CCDC178: variants seen among roughly 807,000 people sequenced by gnomAD.
CCDC178 encodes the protein coiled-coil domain containing 178, also known as coiled-coil domain-containing protein 178.
CCDC178 carries 126 observed loss-of-function variants against 117.4 expected under a neutral mutation model. The observed-to-expected ratio is 1.07, with a 90% confidence interval of 0.93 to 1.24. CCDC178 has a LOEUF of 1.24. CCDC178 is among the 50% of genes most tolerant of loss of function. The pLI is 0.00. For synonymous variants in CCDC178, 283 were observed against 313.4 expected (o/e 0.90, Z 1.02); for missense variants, 1,030 against 986.9 (o/e 1.04, Z -0.59).
intron 16 of CCDC178, 49 bp downstream of exon 16, chr18:33,226,744 A>C: frequency 7.6e-7 from 1 of 1,314,308 alleles, no homozygotes; most frequent in Non-Finnish European, 1.1e-6. Flanking sequence ...ATGCTAAGTA[A>C]AATGCAAATT....
chr18:33,315,900 ATAG>A (rs1388295428), intron 11 of CCDC178, among the ~76,000 whole-genome samples: 3 of 152,248 alleles, frequency 2.0e-5, no homozygotes, highest in Admixed American at 6.5e-5. Context: ...CTTGCAAAAT[ATAG>A]TAATTAAGAA....
At chr18:32,950,499 G>A (rs1447916682) in intron 22 of CCDC178, among the ~76,000 whole-genome samples, 1 of 152,108 alleles carries the variant, frequency 6.6e-6, no homozygotes, top group Non-Finnish European at 1.5e-5. Flanking sequence ...TATGACTCTA[G>A]TTACTTCATT....
intron 21 of CCDC178, among the ~76,000 whole-genome samples, chr18:32,980,249 G>T (rs2144711630): frequency 6.6e-6 from 1 of 152,238 alleles, no homozygotes; most frequent in East Asian, 1.9e-4. Flanking sequence ...GTTTAGAGAA[G>T]ATTTTAATAA....
chr18:33,383,237 G>A (rs1192302408), intron 5 of CCDC178, among the ~76,000 whole-genome samples: 1 of 152,192 alleles, frequency 6.6e-6, no homozygotes, highest in African/African-American at 2.4e-5. Flanking sequence ...CCCTGGGAAA[G>A]AGCACCTTGG....
At chr18:33,410,202 C>G (rs1352524912) in intron 3 of CCDC178, among the ~76,000 whole-genome samples, 1 of 152,162 alleles carries the variant, frequency 6.6e-6, no homozygotes, top group African/African-American at 2.4e-5. Context: ...AGTCTTGGAA[C>G]AAACTATTAG....
chr18:32,965,707 C>T (rs1371592249), intron 22 of CCDC178, among the ~76,000 whole-genome samples: 1 of 151,596 alleles, frequency 6.6e-6, no homozygotes, highest in Non-Finnish European at 1.5e-5. Flanking sequence ...ACAACATAGT[C>T]CTCAACAGAA....
chr18:33,001,108 T>C (rs1015594340), intron 21 of CCDC178, among the ~76,000 whole-genome samples: 6 of 152,236 alleles, frequency 3.9e-5, no homozygotes, highest in African/African-American at 7.2e-5. Context: ...AGTTTTCTCT[T>C]TGCTTATTAG....
chr18:33,340,310 C>G (rs2144656459), intron 9 of CCDC178, among the ~76,000 whole-genome samples: 1 of 152,236 alleles, frequency 6.6e-6, no homozygotes, highest in African/African-American at 2.4e-5. Context: ...GCGAAGCACT[C>G]AAGAGGTGAC....
At chr18:33,212,093 AC>A (rs780860517) in intron 19 of CCDC178, 38 bp from the exon 20 acceptor site, 15 of 1,458,730 alleles carry the variant, frequency 1.0e-5, no homozygotes, top group Non-Finnish European at 9.2e-7. Context: ...TAATCAATTC[AC>A]ATTTTATTTT....
intron 20 of CCDC178, among the ~76,000 whole-genome samples, chr18:33,148,673 G>A (rs995601734): frequency 6.6e-6 from 1 of 152,036 alleles, no homozygotes; most frequent in African/African-American, 2.4e-5. Context: ...GAAACACTAG[G>A]TGTCATGCGA....
chr18:33,048,099 A>G (rs1329287168), intron 21 of CCDC178, among the ~76,000 whole-genome samples: 6 of 152,190 alleles, frequency 3.9e-5, no homozygotes, highest in Non-Finnish European at 5.9e-5. Context: ...AGACAGAGAA[A>G]GAAGACAGCC....
intron 21 of CCDC178, among the ~76,000 whole-genome samples, chr18:33,044,738 T>C (rs1175408980): frequency 6.6e-6 from 1 of 152,162 alleles, no homozygotes; most frequent in Non-Finnish European, 1.5e-5. Flanking sequence ...CTACTCATAA[T>C]AGCAAAGATC....
chr18:33,226,183 C>A (rs1228275477), intron 16 of CCDC178, among the ~76,000 whole-genome samples: 1 of 151,948 alleles, frequency 6.6e-6, no homozygotes, highest in African/African-American at 2.4e-5. Context: ...CAGAAACCCA[C>A]CAACAAACAA....
chr18:33,391,747 C>T (rs1434963723), intron 4 of CCDC178, among the ~76,000 whole-genome samples: 2 of 151,630 alleles, frequency 1.3e-5, no homozygotes, highest in Non-Finnish European at 2.9e-5. Context: ...GTATTCAAAA[C>T]AGAAATACAT....
intron 14 of CCDC178, among the ~76,000 whole-genome samples, chr18:33,256,463 C>T (rs370824382): frequency 3.7e-4 from 57 of 152,106 alleles, no homozygotes; most frequent in African/African-American, 1.3e-3. Context: ...GATGCTGTCC[C>T]TATAGAATAC....
At chr18:32,960,998 A>T (rs1471276059) in intron 22 of CCDC178, among the ~76,000 whole-genome samples, 2 of 152,030 alleles carry the variant, frequency 1.3e-5, no homozygotes, top group Non-Finnish European at 2.9e-5. Flanking sequence ...TACTTGCTTC[A>T]TGACCCAGGA....
intron 12 of CCDC178, among the ~76,000 whole-genome samples, chr18:33,284,362 A>G (rs1189650818): frequency 1.3e-5 from 2 of 152,210 alleles, no homozygotes; most frequent in Admixed American, 6.5e-5. Context: ...TTACCTATGT[A>G]ACAAACCTAC....
At chr18:33,336,530 T>C (rs1248725667) in intron 9 of CCDC178, among the ~76,000 whole-genome samples, 6 of 152,238 alleles carry the variant, frequency 3.9e-5, no homozygotes, top group South Asian at 4.1e-4. Context: ...AATCTGACAA[T>C]TGAAATTATA....
chr18:33,354,854 C>T (rs2063032295), intron 7 of CCDC178, among the ~76,000 whole-genome samples: 1 of 152,142 alleles, frequency 6.6e-6, no homozygotes, highest in African/African-American at 2.4e-5. Flanking sequence ...ACATGATCCA[C>T]CCGCCTTGGC....
Sources: allele counts gnomAD v4.1 joint callset (sites outside exome capture counted in the v4.1 genomes callset), GRCh38; gene constraint gnomAD v4.1.1; transcripts MANE v1.5; gene names NCBI Gene and HGNC (gene_info 2026-07-23, HGNC 2026-07-21).